Variants in BAHD1 observed in about 807,000 individuals in gnomAD.
BAHD1 encodes bromo adjacent homology domain-containing 1 protein.
BAHD1 carries 20 observed loss-of-function variants against 63.1 expected under a neutral mutation model. That is an observed-to-expected ratio of 0.32 (90% confidence interval 0.22 to 0.46). The LOEUF (loss-of-function observed/expected upper bound fraction) is 0.46. BAHD1 is among the 20% of genes least tolerant of loss of function. The pLI is 1.00. For missense variants in BAHD1, 939 were observed against 1,071.8 expected (o/e 0.88, Z 1.73); for synonymous variants, 408 against 426.8 (o/e 0.96, Z 0.54).
intron 1 of BAHD1, among the ~76,000 whole-genome samples, chr15:40,456,670 T>C (rs1350433913): frequency 6.6e-6 from 1 of 152,220 alleles, no homozygotes; most frequent in Non-Finnish European, 1.5e-5. Flanking sequence ...CAGGGAAAGA[T>C]TCAGGAATCC....
At position 40,458,498 on chromosome 15, in the gene BAHD1, C is replaced by T; in HGVS notation, c.34C>T (p.Leu12=). The part of the protein sequence containing the change: ...THTRRKSLPM[L]SSGLTGRREP... ...CACTCGGAGAAAGTCCCTTCCCATG[C>T]TGAGTTCGGGCCTCACTGGCCGCCG... The change falls in exon 2 of 7, where the codon CTG becomes TTG. Residue 12 remains leucine (L), a synonymous_variant. Transcript: ENST00000416165. The surrounding 1 kb of genome is among the most constrained non-coding windows in gnomAD (Gnocchi z 4.7). The T allele has an allele frequency of 6.2e-7, 1 of 1,604,728 alleles. No individual in the cohort carries two copies.
intron 1 of BAHD1, among the ~76,000 whole-genome samples, chr15:40,450,939 A>G (rs1314187167): frequency 6.6e-6 from 1 of 151,992 alleles, no homozygotes; most frequent in Non-Finnish European, 1.5e-5. Flanking sequence ...GGAGTTTGAG[A>G]CCAGCCTGGC....
Position 40,462,095 on chromosome 15 carries a change from C to A in BAHD1, c.1616C>A (p.Ala539Asp), listed in dbSNP as rs1566965069. 5 of 1,613,244 alleles carry A rather than the reference C, an allele frequency of 3.1e-6. No homozygotes were observed. The highest frequency in any genetic ancestry group is 3.3e-5 in the Admixed American group (2 of 59,994). ...QTVARACPQS[A>D]KPPSGSKSGL... ...GTAGCCCGTGCGTGCCCTCAGAGCG[C>A]CAAACCTCCCAGCGGTTCTAAGTCA... The change falls in exon 3 of 7, where the codon GCC (alanine) becomes GAC (aspartate). Residue 539 changes from alanine (A) to aspartate (D), a missense_variant. By Grantham distance (126) the Ala-to-Asp change is moderately radical. This residue lies in a region of BAHD1 where 797 missense variants were observed against 813.3 expected (regional missense o/e 0.98). Coordinates refer to ENST00000416165, the MANE Select transcript of BAHD1 (RefSeq NM_014952.5).
intron 1 of BAHD1, among the ~76,000 whole-genome samples, chr15:40,453,065 G>A (rs1893752110): frequency 6.6e-6 from 1 of 152,240 alleles, no homozygotes; most frequent in African/African-American, 2.4e-5. Flanking sequence ...GCCAGCCAGG[G>A]CCAGCTGCCC....
chr15:40,463,704 TC>T (rs1894118036), intron 3 of BAHD1, among the ~76,000 whole-genome samples, 156 bp from the exon 4 acceptor site: 1 of 152,174 alleles, frequency 6.6e-6, no homozygotes. Context: ...CCATGAGAAT[TC>T]CCCAGCCCCA....
Position 40,458,309 on chromosome 15 carries a change from T to A in BAHD1, c.-14-142T>A. On this transcript the variant is annotated intron_variant, in intron 1 of 6. Transcript: ENST00000416165. This position sits in a 1 kb window ranked among gnomAD's most constrained non-coding sequence, Gnocchi z 4.7. ...GCCCCTTCACACTCTGGAAAGGGAG[T>A]CCCAGGAAAATCCATACTGGAGACA... 9.2e-7 allele frequency: 1 copy of A among 1,087,414 alleles called. No homozygotes were observed. The allele number at this position is 1,087,414 out of a possible 1,614,324, so 67.4% of individuals were successfully genotyped here.
chr15:40,465,408 A>T lies in BAHD1; in HGVS notation c.2126A>T (p.Tyr709Phe). Residue 709 changes from tyrosine to phenylalanine, a missense_variant, in exon 6 of 7, where the codon TAT becomes TTT. Physicochemically the swap from Tyr to Phe is conservative, Grantham distance 22. This residue lies in a region of BAHD1 where 31 missense variants were observed against 68.1 expected (regional missense o/e 0.46). Transcript: ENST00000416165. ...GTGGCCTGCATTGAGGAGAAGTGCT[A>T]TGTGCTGACTTTTGCCGAGTACTGC... ...NSVACIEEKC[Y>F]VLTFAEYCRF... is the part of the protein sequence containing the mutation. 6.2e-7 allele frequency: 1 copy of T among 1,614,098 alleles called. No individual in the cohort carries two copies. The highest frequency in any genetic ancestry group is 8.5e-7 in the Non-Finnish European group (1 of 1,180,006).
At chr15:40,446,906 A>G (rs751505425) in intron 1 of BAHD1, among the ~76,000 whole-genome samples, 1 of 152,172 alleles carries the variant, frequency 6.6e-6, no homozygotes, top group Non-Finnish European at 1.5e-5. Context: ...GGGGACTCCT[A>G]GCCTCCATCA....
In BAHD1 at chr15:40,459,386, T is replaced by C. The variant is rs1893958510; in HGVS notation, c.922T>C (p.Leu308=). Residue 308 remains leucine, a synonymous_variant, in exon 2 of 7, where the codon TTG becomes CTG. Coordinates refer to ENST00000416165, the MANE Select transcript of BAHD1 (RefSeq NM_014952.5). ...QPLSKALESP[L]GLRPHLPLLM... Reference sequence around the variant, plus strand: ...CCTGAGCAAGGCTCTGGAGAGCCCTTTGGGGCTGCGCCCTCACCTGCCCCT... The same window carrying C: ...CCTGAGCAAGGCTCTGGAGAGCCCTCTGGGGCTGCGCCCTCACCTGCCCCT... 3 of 1,612,570 alleles carry C rather than the reference T, an allele frequency of 1.9e-6. No individual in the cohort carries two copies. Among genetic ancestry groups the C allele is most frequent in the Admixed American group, 3.3e-5 (2 of 59,878 alleles).
chr15:40,451,435 T>C (rs1893700690), intron 1 of BAHD1, among the ~76,000 whole-genome samples: 1 of 152,250 alleles, frequency 6.6e-6, no homozygotes, highest in Non-Finnish European at 1.5e-5. Context: ...ATGCTCCAAC[T>C]CTTAGTCTTT....
chr15:40,455,232 G>C (rs560630798), intron 1 of BAHD1, among the ~76,000 whole-genome samples: 28 of 152,302 alleles, frequency 1.8e-4, no homozygotes, highest in African/African-American at 5.8e-4. Context: ...CTGTTCTGCT[G>C]GATTTGGAAA....
chr15:40,449,652 T>G (rs192818389), intron 1 of BAHD1, among the ~76,000 whole-genome samples: 1 of 151,294 alleles, frequency 6.6e-6, no homozygotes, highest in African/African-American at 2.4e-5. Flanking sequence ...TAAAAATAAA[T>G]TTAAAAATTA....
Position 40,458,666 on chromosome 15 carries a change from A to C in BAHD1, c.202A>C (p.Lys68Gln). 6.2e-7 allele frequency: 1 copy of C among 1,613,834 alleles called. No homozygotes were observed. The highest frequency in any genetic ancestry group is 8.5e-7 in the Non-Finnish European group (1 of 1,179,926). ...GCGCCCATTGGTTCCTGAGAAGCCC[A>C]AGGCCTGCAAAGTGCTGCTGACTCG... is the stretch of plus-strand genomic sequence containing the variant. ...RKRPLVPEKP[K>Q]ACKVLLTRLE... is the part of the protein sequence containing the mutation. Residue 68 changes from lysine (K) to glutamine (Q), a missense_variant, in exon 2 of 7, where the codon AAG becomes CAG. By Grantham distance (53) the Lys-to-Gln change is moderately conservative. Transcript: ENST00000416165. The surrounding 1 kb of genome is among the most constrained non-coding windows in gnomAD (Gnocchi z 4.7).
At chr15:40,442,857 A>G (rs1193852640) in intron 1 of BAHD1, among the ~76,000 whole-genome samples, 2 of 152,196 alleles carry the variant, frequency 1.3e-5, no homozygotes, top group African/African-American at 4.8e-5. Flanking sequence ...CACAAAAAAA[A>G]AGAAAAAGGG....
At chr15:40,445,780 A>G (rs1047113673) in intron 1 of BAHD1, among the ~76,000 whole-genome samples, 1 of 152,200 alleles carries the variant, frequency 6.6e-6, no homozygotes, top group African/African-American at 2.4e-5. Context: ...CCAAGTATTT[A>G]TGGGAATTTG....
At chr15:40,446,569 T>G (rs1483076412) in intron 1 of BAHD1, among the ~76,000 whole-genome samples, 2 of 152,082 alleles carry the variant, frequency 1.3e-5, no homozygotes, top group South Asian at 4.1e-4. Flanking sequence ...GCAGGCCCAA[T>G]CCACCAGGAG....
intron 1 of BAHD1, among the ~76,000 whole-genome samples, chr15:40,441,613 G>T (rs1220861274): frequency 1.4e-5 from 2 of 147,104 alleles, no homozygotes; most frequent in Non-Finnish European, 1.5e-5. Context: ...AGCTCGGCCG[G>T]GCGGCGGCGG....
At chr15:40,446,014 G>C (rs1893531270) in intron 1 of BAHD1, among the ~76,000 whole-genome samples, 1 of 152,212 alleles carries the variant, frequency 6.6e-6, no homozygotes, top group East Asian at 1.9e-4. Flanking sequence ...GATAATTAGA[G>C]ATAGAGGCTC....
chr15:40,465,358 A>G lies in BAHD1; in HGVS notation c.2076A>G (p.Ala692=). ...AGCCCTTGCAGAATGAAGTGTTTGC[A>G]TCGCGACATCAGGACCAGAACAGTG... ...MHEPLQNEVF[A]SRHQDQNSVA... Residue 692 remains alanine, a synonymous_variant, in exon 6 of 7, where the codon GCA becomes GCG. Transcript: ENST00000416165. 6.2e-7 allele frequency: 1 copy of G among 1,614,180 alleles called. No individual in the cohort carries two copies. Among genetic ancestry groups the G allele is most frequent in the Non-Finnish European group, 8.5e-7 (1 of 1,180,016 alleles).
Sources: allele counts gnomAD v4.1 joint callset (sites outside exome capture counted in the v4.1 genomes callset), GRCh38; gene constraint gnomAD v4.1.1; regional missense constraint gnomAD v4.1.1; non-coding constraint Gnocchi (gnomAD v3.1); transcripts MANE v1.5; gene names NCBI Gene and HGNC (gene_info 2026-07-23, HGNC 2026-07-21).